TPTE2: variants seen among roughly 807,000 people sequenced by gnomAD.
TPTE2 encodes the protein phosphatidylinositol 3,4,5-trisphosphate 3-phosphatase TPTE2.
TPTE2 carries 53 observed loss-of-function variants against 78.6 expected under a neutral mutation model. The observed-to-expected ratio is 0.67, with a 90% CI of 0.54 to 0.85. The LOEUF (loss-of-function observed/expected upper bound fraction) is 0.85, where lower values mean the gene tolerates loss of function less well. TPTE2 is among the 40% of genes least tolerant of loss of function. TPTE2 has a pLI of 0.00. For synonymous variants in TPTE2, 175 were observed against 206.2 expected, an observed-to-expected ratio of 0.85 and a Z score of 1.30; for missense variants, 461 against 623.0, an observed-to-expected ratio of 0.74 and a Z score of 2.77.
intron 4 of TPTE2, among the ~76,000 whole-genome samples, chr13:19,479,175 A>C (rs1880165797): frequency 6.6e-6 from 1 of 152,186 alleles, no homozygotes; most frequent in Non-Finnish European, 1.5e-5. Context: ...AAAATGTAGC[A>C]GGTGAAAATG....
At chr13:19,525,639 A>C (rs1870451175) in intron 1 of TPTE2, among the ~76,000 whole-genome samples, 1 of 152,206 alleles carries the variant, frequency 6.6e-6, no homozygotes, top group African/African-American at 2.4e-5. Flanking sequence ...GGACCTTATG[A>C]AGATTTCATG....
chr13:19,540,895 T>C (rs1871420079), upstream of TPTE2, among the ~76,000 whole-genome samples: 1 of 152,218 alleles, frequency 6.6e-6, no homozygotes, highest in South Asian at 2.1e-4. Context: ...CTTCCTTTAT[T>C]AGCTGTCTAC....
intron 3 of TPTE2, among the ~76,000 whole-genome samples, chr13:19,491,368 T>C (rs760739468): frequency 1.2e-4 from 19 of 152,188 alleles, no homozygotes; most frequent in Non-Finnish European, 2.4e-4. Context: ...GGAGTAGATT[T>C]TCCATAAATA....
chr13:19,517,186 T>C (rs1869849014), intron 1 of TPTE2, among the ~76,000 whole-genome samples: 1 of 152,228 alleles, frequency 6.6e-6, no homozygotes, highest in Non-Finnish European at 1.5e-5. Context: ...GCTGCCAGAA[T>C]AACACAAGTC....
chr13:19,493,416 C>A, intron 2 of TPTE2, 32 bp downstream of exon 5: 2 of 1,607,934 alleles, frequency 1.2e-6, no homozygotes, highest in Non-Finnish European at 1.7e-6. Context: ...CTTATGCTGA[C>A]GGGTGACTTT....
chr13:19,544,914 C>T, the TPTE2 span, among the ~76,000 whole-genome samples: 1 of 142,392 alleles, frequency 7.0e-6, no homozygotes, highest in Non-Finnish European at 1.5e-5. Flanking sequence ...AAACAAAAAG[C>T]AAAACACACA....
At chr13:19,434,804 C>T (rs1385987019) in intron 15 of TPTE2, among the ~76,000 whole-genome samples, 1 of 152,110 alleles carries the variant, frequency 6.6e-6, no homozygotes, top group Non-Finnish European at 1.5e-5. Context: ...GCTCTCACTT[C>T]GGTTTCAGGG....
upstream of TPTE2, among the ~76,000 whole-genome samples, chr13:19,503,462 C>A (rs1593405089): frequency 6.6e-6 from 1 of 152,180 alleles, no homozygotes; most frequent in Non-Finnish European, 1.5e-5. Flanking sequence ...AGATGGCAAC[C>A]AACATCTTAG....
intron 1 of TPTE2, among the ~76,000 whole-genome samples, chr13:19,494,257 G>A (rs369611669): frequency 3.3e-5 from 5 of 152,258 alleles, no homozygotes; most frequent in African/African-American, 7.2e-5. Context: ...GTTAAAATGT[G>A]GAAGTTATTT....
intron 13 of TPTE2, among the ~76,000 whole-genome samples, chr13:19,449,131 G>C (rs1380641589): frequency 6.6e-6 from 1 of 152,082 alleles, no homozygotes; most frequent in Non-Finnish European, 1.5e-5. Flanking sequence ...GGGCTGGGGA[G>C]ACAAAACTGG....
At chr13:19,505,476 A>C (rs1321168778), upstream of TPTE2, among the ~76,000 whole-genome samples, 3 of 152,088 alleles carry the variant, frequency 2.0e-5, no homozygotes, top group African/African-American at 7.2e-5. Context: ...GCAGTCTGTA[A>C]GGAAACATGC....
intron 1 of TPTE2, among the ~76,000 whole-genome samples, chr13:19,493,965 G>A (rs1341528303): frequency 1.3e-5 from 2 of 152,172 alleles, no homozygotes; most frequent in Non-Finnish European, 2.9e-5. Context: ...AGGATTTGAG[G>A]TTTGGAGCAC....
intron 14 of TPTE2, 32 bp downstream of exon 17, chr13:19,438,060 A>C (rs913444929): frequency 3.1e-6 from 5 of 1,597,544 alleles, no homozygotes; most frequent in Admixed American, 1.7e-5. Flanking sequence ...CTCAATCATC[A>C]TAAGAGAAAG....
At chr13:19,550,937 A>G in the TPTE2 span, among the ~76,000 whole-genome samples, 4 of 152,146 alleles carry the variant, frequency 2.6e-5, no homozygotes, top group South Asian at 6.2e-4. Flanking sequence ...GATTACAGGC[A>G]TGAGCCACTG....
chr13:19,489,212 TA>T (rs1296803038), intron 3 of TPTE2, among the ~76,000 whole-genome samples: 4 of 152,084 alleles, frequency 2.6e-5, no homozygotes, highest in Non-Finnish European at 5.9e-5. Flanking sequence ...ACAGATATGA[TA>T]ATAAAAAGTT....
intron 13 of TPTE2, among the ~76,000 whole-genome samples, chr13:19,438,728 A>G (rs1877284732): frequency 6.6e-6 from 1 of 152,226 alleles, no homozygotes; most frequent in Admixed American, 6.5e-5. Flanking sequence ...ATTTGGAAAT[A>G]GCAAGCAAGT....
chr13:19,494,379 T>TTG (rs1411550345), intron 1 of TPTE2, among the ~76,000 whole-genome samples: 5 of 152,200 alleles, frequency 3.3e-5, no homozygotes, highest in Admixed American at 1.3e-4. Context: ...TGTCACTGTT[T>TTG]TGTGTGTGTG....
In TPTE2 at chr13:19,436,199, A is replaced by C. The variant is rs551237897; in HGVS notation, c.1116+27T>G. On this transcript the variant is annotated intron_variant, in intron 15 of 19. Transcript: ENST00000400230. ...AATCTTAACCCACTCCCCTAAAAAAACTCCCATTTTTAAAAAGAAAACTTA... is the reference window on the plus strand; with the variant it reads ...AATCTTAACCCACTCCCCTAAAAAACCTCCCATTTTTAAAAAGAAAACTTA... 1.1e-5 allele frequency: 17 copies of C among 1,585,378 alleles called. No individual in the cohort carries two copies. In the Admixed American group the frequency reaches 2.8e-4, roughly 26 times the overall value.
chr13:19,452,626 C>G (rs1341413801), intron 10 of TPTE2, among the ~76,000 whole-genome samples: 3 of 152,092 alleles, frequency 2.0e-5, no homozygotes, highest in African/African-American at 7.2e-5. Flanking sequence ...GCCATTTGCA[C>G]CCATGAAATT....
Sources: gnomAD v4.1 joint callset for allele counts (sites outside exome capture counted in the v4.1 genomes callset) on GRCh38, gnomAD v4.1.1 for gene constraint, MANE v1.5 for transcripts, NCBI Gene and HGNC (gene_info 2026-07-23, HGNC 2026-07-21) for gene names.